BAZ2A: variants seen among roughly 807,000 people sequenced by gnomAD.
BAZ2A encodes the protein bromodomain adjacent to zinc finger domain 2A.
A neutral mutation model predicts 199.9 loss-of-function variants in BAZ2A; 34 were observed. The observed-to-expected ratio is 0.17, with a 90% confidence interval of 0.13 to 0.23. BAZ2A has a LOEUF of 0.23. Ranked by LOEUF, BAZ2A falls within the 10% of genes least tolerant of loss-of-function variation. The pLI is 1.00. For synonymous variants in BAZ2A, 857 were observed against 883.9 expected (o/e 0.97, Z 0.54); for missense variants, 2,002 against 2,391.1 (o/e 0.84, Z 3.39).
rs138611310 is a variant in BAZ2A at position 56,615,682 on chromosome 12, T to C, written c.137-75A>G. 964 of 1,103,148 alleles carry C rather than the reference T, an allele frequency of 8.7e-4. 10 individuals carry two copies. In the African/African-American group the frequency reaches 0.014, roughly 17 times the overall value. 68.3% of individuals were successfully genotyped at this position (1,103,148 alleles called of 1,614,324 possible). A position where few individuals can be genotyped will look rare whatever the true frequency, so the allele number is the denominator to read the frequency against. ...CTTTACCAAAACAAACTCAAAGTAA[T>C]AGCACTGACTAGAAAAAGACATGGT... On this transcript the variant is annotated intron_variant, in intron 2 of 28. Coordinates refer to ENST00000549884, the MANE Select transcript of BAZ2A (RefSeq NM_001300905.2).
chr12:56,637,926 G>A (rs1455882758), upstream of BAZ2A, among the ~76,000 whole-genome samples: 2 of 152,082 alleles, frequency 1.3e-5, no homozygotes, highest in African/African-American at 4.8e-5. Context: ...AACATACATG[G>A]CCCACTTCAT....
At position 56,599,245 on chromosome 12, in the gene BAZ2A, C is replaced by T. The variant is rs1261041998; in HGVS notation, c.5286G>A (p.Leu1762=). ...SEGDGRRRRV[L]LRGRESPAAG... ...CTGCTGGGCTTTCTCGGCCCCTCAA[C>T]AGTACCCGGCGTCGGCGGCCATCAC... is the stretch of plus-strand genomic sequence containing the variant. Residue 1762 remains leucine, a synonymous_variant, in exon 27 of 29, where the codon CTG becomes CTA. Coordinates refer to ENST00000549884, the MANE Select transcript of BAZ2A (RefSeq NM_001300905.2). 1.2e-6 allele frequency: 2 copies of T among 1,613,364 alleles called. No individual in the cohort carries two copies. Among genetic ancestry groups the T allele is most frequent in the East Asian group, 2.2e-5 (1 of 44,866 alleles).
intron 1 of BAZ2A, among the ~76,000 whole-genome samples, chr12:56,621,936 C>A (rs1950933037): frequency 6.6e-6 from 1 of 152,098 alleles, no homozygotes; most frequent in African/African-American, 2.4e-5. Flanking sequence ...GCAATTCTCC[C>A]ACCTTGACCT....
upstream of BAZ2A, chr12:56,636,457 G>C (rs1405665786): frequency 9.2e-7 from 1 of 1,086,878 alleles, no homozygotes; most frequent in African/African-American, 1.6e-5. Context: ...GGCAGACCAG[G>C]AGAAATATGG....
At chr12:56,633,953 G>C (rs1951381123), upstream of BAZ2A, among the ~76,000 whole-genome samples, 1 of 152,050 alleles carries the variant, frequency 6.6e-6, no homozygotes, top group Non-Finnish European at 1.5e-5. Context: ...AGCTGGTTTC[G>C]AACTCCTGAC....
chr12:56,631,949 G>A (rs943431281), upstream of BAZ2A, among the ~76,000 whole-genome samples: 7 of 152,248 alleles, frequency 4.6e-5, no homozygotes, highest in African/African-American at 1.7e-4. Flanking sequence ...AAGGAAGCTA[G>A]CTTTAGCAAA....
Position 56,599,157 on chromosome 12 carries a change from T to C in BAZ2A, c.5374A>G (p.Asn1792Asp). The C allele has an allele frequency of 6.2e-7, 1 of 1,612,536 alleles. No homozygotes were observed. Among genetic ancestry groups the C allele is most frequent in the Non-Finnish European group, 8.5e-7 (1 of 1,179,424 alleles). Residue 1792 changes from asparagine to aspartate, a missense_variant, in exon 27 of 29, where the codon AAC becomes GAC. By Grantham distance (23) the Asn-to-Asp change is conservative (BLOSUM62 1). This residue lies in a region of BAZ2A where 122 missense variants were observed against 123.0 expected (regional missense o/e 0.99). Coordinates refer to ENST00000549884, the MANE Select transcript of BAZ2A (RefSeq NM_001300905.2). ...CAAAATGTGAGATCACTGTGGTGGT[T>C]CCGCATAGAGAGTCGCCGCCGCTTG... is the stretch of plus-strand genomic sequence containing the variant. ...PSKRRRLSMRNHHSDLTFCEI... is the reference protein window; with the variant it reads ...PSKRRRLSMRDHHSDLTFCEI...
intron 1 of BAZ2A, among the ~76,000 whole-genome samples, chr12:56,619,508 CA>C (rs397850754): frequency 0.022 from 1,854 of 84,772 alleles, 71 homozygotes; most frequent in Admixed American, 0.15. Flanking sequence ...GACCCTGTCT[CA>C]AAAAAAAAAA....
rs1007098709 is a variant in BAZ2A, at chr12:56,604,205, T to C, written c.3038+12A>G. 7 of 1,598,892 alleles carry C rather than the reference T, an allele frequency of 4.4e-6. No homozygotes were observed. The highest frequency in any genetic ancestry group is 1.7e-5 in the Admixed American group (1 of 58,128). On this transcript the variant is annotated intron_variant, in intron 16 of 28. Coordinates refer to ENST00000549884, the MANE Select transcript of BAZ2A (RefSeq NM_001300905.2). The stretch of plus-strand genomic sequence containing the variant: ...CTCCTCTCTGAGGCTCTACTCTCTG[T>C]CTGGTCCCTACCTCCGGAGCCGGCC...
chr12:56,600,499 AAG>A lies in BAZ2A; in HGVS notation c.4603-11_4603-10del, dbSNP rs1418201151. 3.7e-6 allele frequency: 6 copies of A among 1,609,360 alleles called. No homozygotes were observed. The highest frequency in any genetic ancestry group is 4.2e-6 in the Non-Finnish European group (5 of 1,177,328). The stretch of plus-strand genomic sequence containing the variant: ...CTAGGACATGTCCAGCCCTTCAGTT[AAG>A]AGAGAGGAATAAAACTCACTGTAAA... On this transcript the variant is annotated splice_polypyrimidine_tract_variant and intron_variant, in intron 23 of 28. Coordinates refer to ENST00000549884, the MANE Select transcript of BAZ2A (RefSeq NM_001300905.2).
chr12:56,596,179 A>T lies in BAZ2A; in HGVS notation c.*2439T>A, dbSNP rs1885807833. 1 of 152,744 alleles carries T rather than the reference A, an allele frequency of 6.5e-6. No individual in the cohort carries two copies. Among genetic ancestry groups the T allele is most frequent in the African/African-American group, 2.4e-5 (1 of 41,478 alleles). 9.5% of individuals were successfully genotyped at this position (152,744 alleles called of 1,614,324 possible). ...TATATAAAAAGTCCCTTTTGCTGTA[A>T]AAGGAACACAGAAACTTGTTGGTGT... On this transcript the variant is annotated 3_prime_UTR_variant, in exon 29 of 29. Coordinates refer to ENST00000549884, the MANE Select transcript of BAZ2A (RefSeq NM_001300905.2).
rs773231585 is a variant in BAZ2A, at chr12:56,606,651, C to T, written c.2175G>A (p.Gln725=). ...MRQKVQRGEC[Q]TTIQGQARNK... is the part of the protein sequence containing the mutation. ...CCCTCACCTGCCCTTGGATAGTAGT[C>T]TGACACTCTCCCCGTTGAACCTTCT... Residue 725 remains glutamine, a synonymous_variant, in exon 11 of 29, where the codon CAG becomes CAA. Coordinates refer to ENST00000549884, the MANE Select transcript of BAZ2A (RefSeq NM_001300905.2). 1 of 1,613,896 alleles carries T rather than the reference C, an allele frequency of 6.2e-7. No individual in the cohort carries two copies. The highest frequency in any genetic ancestry group is 8.5e-7 in the Non-Finnish European group (1 of 1,179,838).
chr12:56,605,383 T>G (rs978796475), intron 13 of BAZ2A, 56 bp from the exon 14 acceptor site: 15 of 1,499,734 alleles, frequency 1.0e-5, no homozygotes, highest in East Asian at 2.3e-5. Context: ...AGATGACAAT[T>G]TGCATGTCTA....
At chr12:56,620,301 C>T (rs558647576) in intron 1 of BAZ2A, among the ~76,000 whole-genome samples, 1 of 152,158 alleles carries the variant, frequency 6.6e-6, no homozygotes, top group South Asian at 2.1e-4. Flanking sequence ...AGACCTAAAC[C>T]TGCCATGCAT....
Position 56,635,746 on chromosome 12 carries a change from A to T in BAZ2A, c.4+436T>A, listed in dbSNP as rs1402937421. Reference sequence around the variant, plus strand: ...ACCTGAAGGTGGGTCAAGGTGGGGGAGGAGAGAAGACAGACTTAAAAGGCC... The same window carrying T: ...ACCTGAAGGTGGGTCAAGGTGGGGGTGGAGAGAAGACAGACTTAAAAGGCC... On this transcript the variant is annotated intron_variant, in intron 1 of 29. Transcript: ENST00000379441. This position sits in a 1 kb window ranked among gnomAD's most constrained non-coding sequence, Gnocchi z 4.1. Among the ~76,000 whole-genome samples the T allele has an allele frequency of 6.6e-6, 1 of 152,032 alleles. No individual in the cohort carries two copies. Among genetic ancestry groups the T allele is most frequent in the Non-Finnish European group, 1.5e-5 (1 of 68,004 alleles).
Position 56,603,677 on chromosome 12 carries a change from C to A in BAZ2A, c.3062G>T (p.Arg1021Leu). The change falls in exon 17 of 29, where the codon CGA becomes CTA. Residue 1021 changes from arginine to leucine, a missense_variant. This residue lies in a region of BAZ2A where 1,081 missense variants were observed against 1,274.7 expected (regional missense o/e 0.85). Coordinates refer to ENST00000549884, the MANE Select transcript of BAZ2A (RefSeq NM_001300905.2). ...LRRLKTVLAK[R>L]TGRSEVEMEG... ...CATCTCTACTTCAGACCGCCCAGTT[C>A]GCTTGGCCAGAACAGTTTTCAGCCT... is the stretch of plus-strand genomic sequence containing the variant. The A allele has an allele frequency of 2.5e-6, 4 of 1,613,956 alleles. No homozygotes were observed. The highest frequency in any genetic ancestry group is 3.4e-6 in the Non-Finnish European group (4 of 1,179,886).
intron 7 of BAZ2A, among the ~76,000 whole-genome samples, chr12:56,610,924 C>G (rs1456072978): frequency 3.3e-5 from 5 of 152,058 alleles, no homozygotes; most frequent in Admixed American, 3.3e-4. Context: ...GCTGCTGATT[C>G]CATGAAAAGA....
chr12:56,629,500 C>G (rs941207), intron 1 of BAZ2A, among the ~76,000 whole-genome samples: 31,087 of 152,108 alleles, frequency 0.2, 3,631 homozygotes, highest in Middle Eastern at 0.3. Flanking sequence ...GAAGCCCTAT[C>G]AACCTCCATC....
In BAZ2A at chr12:56,596,668, C is replaced by CT. The variant is rs1344341810; in HGVS notation, c.*1949dup. On this transcript the variant is annotated 3_prime_UTR_variant, in exon 29 of 29. Coordinates refer to ENST00000549884, the MANE Select transcript of BAZ2A (RefSeq NM_001300905.2). ...CCCCAACTCTAACAGTTTCAACTGT[C>CT]TAACACAAAGTTTGTTACAGCGCAG... The CT allele has an allele frequency of 2.0e-5, 3 of 152,562 alleles. No homozygotes were observed. Among genetic ancestry groups the CT allele is most frequent in the Non-Finnish European group, 2.9e-5 (2 of 68,028 alleles). The allele number at this position is 152,562 out of a possible 1,614,324, so 9.5% of individuals were successfully genotyped here.
Sources: gnomAD v4.1 joint callset for allele counts (sites outside exome capture counted in the v4.1 genomes callset) on GRCh38, gnomAD v4.1.1 for gene constraint, gnomAD v4.1.1 regional missense constraint, Gnocchi (gnomAD v3.1) non-coding constraint, MANE v1.5 for transcripts, NCBI Gene and HGNC (gene_info 2026-07-23, HGNC 2026-07-21) for gene names.